The following CENPP variants were observed in gnomAD, a reference collection of about 807,000 sequenced individuals.
The protein encoded by CENPP is centromere protein P.
A neutral mutation model predicts 35.6 loss-of-function variants in CENPP; 24 were observed. The observed-to-expected ratio is 0.67, with a 90% CI of 0.49 to 0.95. The LOEUF is 0.95. CENPP is among the 40% of genes least tolerant of loss of function. The probability of loss-of-function intolerance (pLI) is 0.00; values close to 1 mark genes in which losing one functional copy is unlikely to be tolerated. For synonymous variants in CENPP, 120 were observed against 125.5 expected (o/e 0.96, Z 0.29); for missense variants, 332 against 345.3 (o/e 0.96, Z 0.31).
intron 5 of CENPP, among the ~76,000 whole-genome samples, chr9:92,433,890 G>T (rs543099847): frequency 6.6e-6 from 1 of 151,710 alleles, no homozygotes; most frequent in Non-Finnish European, 1.5e-5. Flanking sequence ...CCAAGATCGC[G>T]CCATTGCACT....
In CENPP at chr9:92,616,058, C is replaced by T; in HGVS notation, c.*2909C>T. On this transcript the variant is annotated 3_prime_UTR_variant, in exon 8 of 8. Coordinates refer to ENST00000375587, the MANE Select transcript of CENPP (RefSeq NM_001012267.3). ...AGGGACGACAGGCCTTTGATCAGAG[C>T]TGCAAGTAAAAAGTACCATTTCAGG... is the stretch of plus-strand genomic sequence containing the variant. 6.2e-7 allele frequency: 1 copy of T among 1,611,032 alleles called. No individual in the cohort carries two copies. Among genetic ancestry groups the T allele is most frequent in the Non-Finnish European group, 8.5e-7 (1 of 1,177,882 alleles).
intron 4 of CENPP, among the ~76,000 whole-genome samples, chr9:92,349,693 C>T (rs555049145): frequency 3.3e-5 from 5 of 152,220 alleles, no homozygotes; most frequent in East Asian, 1.9e-4. Flanking sequence ...TGAGCCACCA[C>T]GCCTGGCCTA....
chr9:92,566,921 A>G (rs1052587486), intron 5 of CENPP, among the ~76,000 whole-genome samples: 1 of 152,266 alleles, frequency 6.6e-6, no homozygotes, highest in African/African-American at 2.4e-5. Flanking sequence ...TGTGCAAAAC[A>G]GAGAAACTTG....
At chr9:92,584,667 G>T (rs988498330) in intron 5 of CENPP, among the ~76,000 whole-genome samples, 1 of 152,214 alleles carries the variant, frequency 6.6e-6, no homozygotes, top group African/African-American at 2.4e-5. Context: ...CATTCAACAG[G>T]CTGTTATGTG....
chr9:92,460,577 A>G (rs779858427), intron 5 of CENPP: 3 of 1,439,258 alleles, frequency 2.1e-6, no homozygotes, highest in Non-Finnish European at 2.9e-6. Flanking sequence ...CCTAATAAGA[A>G]GAGAAATATA....
intron 5 of CENPP, among the ~76,000 whole-genome samples, chr9:92,512,787 G>A (rs533627992): frequency 6.6e-5 from 10 of 152,304 alleles, no homozygotes; most frequent in African/African-American, 2.2e-4. Context: ...GCCACGTGGT[G>A]ACCTTCTTAT....
At chr9:92,475,585 A>G (rs1185349830) in intron 5 of CENPP, among the ~76,000 whole-genome samples, 3 of 152,220 alleles carry the variant, frequency 2.0e-5, no homozygotes, top group Admixed American at 2.0e-4. Flanking sequence ...CTGTATTCCC[A>G]AAATCTTTCT....
intron 5 of CENPP, among the ~76,000 whole-genome samples, chr9:92,583,205 G>A (rs1850469753): frequency 6.6e-6 from 1 of 152,168 alleles, no homozygotes; most frequent in African/African-American, 2.4e-5. Context: ...AAGCATGGCT[G>A]GGTGGTGGTG....
chr9:92,522,237 C>CCT (rs1477585009), intron 5 of CENPP, among the ~76,000 whole-genome samples: 4 of 151,998 alleles, frequency 2.6e-5, no homozygotes, highest in Admixed American at 2.0e-4. Context: ...CAGGTACATG[C>CCT]CACCACACCC....
In CENPP at chr9:92,619,715, C is replaced by T. The variant is rs1050070024; in HGVS notation, c.*6566C>T. The T allele has an allele frequency of 4.1e-5, 29 of 699,240 alleles. No individual in the cohort carries two copies. Among genetic ancestry groups the T allele is most frequent in the Admixed American group, 3.2e-4 (15 of 46,210 alleles). The allele number at this position is 699,240 out of a possible 1,614,324, so 43.3% of individuals were successfully genotyped here. On this transcript the variant is annotated 3_prime_UTR_variant, in exon 8 of 8. Transcript: ENST00000375587. ...GAGCGAGGGCCACGGTGAGCACGGG[C>T]GTCAGGAGGTCGCCCTGTGAGAGCA...
chr9:92,478,261 T>G (rs1039446799), intron 5 of CENPP, among the ~76,000 whole-genome samples: 9 of 152,318 alleles, frequency 5.9e-5, no homozygotes, highest in African/African-American at 2.2e-4. Flanking sequence ...AATCAAAGGT[T>G]TCTCATACAC....
At chr9:92,380,314 A>G (rs1439577075) in intron 5 of CENPP, among the ~76,000 whole-genome samples, 1 of 152,164 alleles carries the variant, frequency 6.6e-6, no homozygotes, top group African/African-American at 2.4e-5. Context: ...TGATATGGGT[A>G]CTTTAAAGTA....
intron 5 of CENPP, among the ~76,000 whole-genome samples, chr9:92,421,891 C>T (rs2130970494): frequency 6.6e-6 from 1 of 152,142 alleles, no homozygotes; most frequent in East Asian, 1.9e-4. Context: ...CTTACCTCAG[C>T]CTTACGGAGA....
intron 4 of CENPP, among the ~76,000 whole-genome samples, chr9:92,355,763 A>G (rs1458688527): frequency 6.6e-6 from 1 of 152,238 alleles, no homozygotes; most frequent in African/African-American, 2.4e-5. Context: ...CTACCAAAAA[A>G]TCATTCATGC....
At chr9:92,362,782 T>G (rs1841790228) in intron 4 of CENPP, among the ~76,000 whole-genome samples, 1 of 152,226 alleles carries the variant, frequency 6.6e-6, no homozygotes, top group Non-Finnish European at 1.5e-5. Context: ...TCCTCCACAT[T>G]TCTCAGTAGG....
chr9:92,613,298 A>C lies in CENPP; in HGVS notation c.*149A>C. 1 of 808,044 alleles carries C rather than the reference A, an allele frequency of 1.2e-6. No homozygotes were observed. Among genetic ancestry groups the C allele is most frequent in the Non-Finnish European group, 1.9e-6 (1 of 514,826 alleles). The allele number at this position is 808,044 out of a possible 1,614,324, so 50.1% of individuals were successfully genotyped here. A position where few individuals can be genotyped will look rare whatever the true frequency, so the allele number is the denominator to read the frequency against. ...TATGGCACATTATATGGAAACTCTC[A>C]TGACATGAAAAATAAATACAACTAG... On this transcript the variant is annotated 3_prime_UTR_variant, in exon 8 of 8. Transcript: ENST00000375587.
intron 5 of CENPP, among the ~76,000 whole-genome samples, chr9:92,437,296 T>C (rs942803071): frequency 2.6e-5 from 4 of 152,238 alleles, no homozygotes; most frequent in African/African-American, 9.6e-5. Flanking sequence ...TTTTGTCTTA[T>C]TACACATTGT....
chr9:92,500,803 C>A, intron 5 of CENPP: 2 of 1,614,126 alleles, frequency 1.2e-6, no homozygotes, highest in South Asian at 1.1e-5. Flanking sequence ...GATTTTAAGT[C>A]ATTGTGATCC....
In CENPP at chr9:92,619,443, CCCCGTTAG is replaced by C. The variant is rs1554694597; in HGVS notation, c.*6295_*6302del. ...AACAATTCACCAACTGTCCATAAAA[CCCCGTTAG>C]ACCCAGGCTGCATGCCTTGCAGTGG... On this transcript the variant is annotated 3_prime_UTR_variant, in exon 8 of 8. Transcript: ENST00000375587. The C allele has an allele frequency of 2.0e-6, 3 of 1,483,836 alleles. No individual in the cohort carries two copies. The highest frequency in any genetic ancestry group is 1.7e-4 in the Middle Eastern group (1 of 5,894). The allele number at this position is 1,483,836 out of a possible 1,614,324, so 91.9% of individuals were successfully genotyped here.
Sources: allele counts gnomAD v4.1 joint callset (sites outside exome capture counted in the v4.1 genomes callset), GRCh38; gene constraint gnomAD v4.1.1; transcripts MANE v1.5; gene names NCBI Gene and HGNC (gene_info 2026-07-23, HGNC 2026-07-21).